Variants in NFIB observed in about 807,000 individuals in gnomAD.
NFIB encodes nuclear factor 1 B-type.
NFIB carries 11 observed loss-of-function variants against 61.5 expected under a neutral mutation model. The observed-to-expected ratio is 0.18, with a 90% CI of 0.11 to 0.30. The LOEUF (loss-of-function observed/expected upper bound fraction) is 0.30, where lower values mean the gene tolerates loss of function less well. Ranked by LOEUF, NFIB falls within the 10% of genes least tolerant of loss-of-function variation. NFIB has a pLI of 1.00. For missense variants in NFIB, 471 were observed against 608.9 expected, an observed-to-expected ratio of 0.77 and a Z score of 2.38; for synonymous variants, 260 against 216.5, an observed-to-expected ratio of 1.20 and a Z score of -1.76.
At chr9:14,296,551 C>T (rs1339642231) in intron 2 of NFIB, among the ~76,000 whole-genome samples, 1 of 152,218 alleles carries the variant, frequency 6.6e-6, no homozygotes, top group Non-Finnish European at 1.5e-5. Context: ...GAGATTGGAG[C>T]TTTCATAAAC....
At chr9:14,199,538 G>A (rs1216081673) in intron 2 of NFIB, among the ~76,000 whole-genome samples, 2 of 152,186 alleles carry the variant, frequency 1.3e-5, no homozygotes, top group Non-Finnish European at 2.9e-5. Flanking sequence ...TGGTAAGGCA[G>A]CATCTTAGAA....
chr9:14,117,185 G>A (rs941225234), intron 8 of NFIB, among the ~76,000 whole-genome samples: 1 of 152,180 alleles, frequency 6.6e-6, no homozygotes, highest in African/African-American at 2.4e-5. Context: ...GGTGGTGCAT[G>A]GAGAGTTACA....
chr9:14,531,298 A>G, the NFIB span, among the ~76,000 whole-genome samples: 7 of 152,244 alleles, frequency 4.6e-5, no homozygotes, highest in East Asian at 1.9e-4. Context: ...GGGGAAAAAC[A>G]GCAACAACAA....
chr9:14,449,232 T>C, the NFIB span, among the ~76,000 whole-genome samples: 4 of 152,174 alleles, frequency 2.6e-5, no homozygotes, highest in African/African-American at 9.7e-5. Context: ...CCAACCAAAG[T>C]CTCATAATTC....
intron 1 of NFIB, among the ~76,000 whole-genome samples, chr9:14,365,694 C>G (rs2061291657): frequency 6.6e-6 from 1 of 152,168 alleles, no homozygotes; most frequent in African/African-American, 2.4e-5. Flanking sequence ...AAGAATTCAT[C>G]CAACAAACAT....
intron 2 of NFIB, among the ~76,000 whole-genome samples, chr9:14,227,296 G>A (rs1400102934): frequency 6.6e-6 from 1 of 152,164 alleles, no homozygotes; most frequent in Non-Finnish European, 1.5e-5. Context: ...GTTTGCTGGT[G>A]AGATCTTATT....
At chr9:14,201,529 C>A (rs1367664569) in intron 2 of NFIB, among the ~76,000 whole-genome samples, 1 of 152,214 alleles carries the variant, frequency 6.6e-6, no homozygotes, top group Non-Finnish European at 1.5e-5. Flanking sequence ...TCGTCTGTTA[C>A]AACCTTCCTG....
intron 2 of NFIB, among the ~76,000 whole-genome samples, chr9:14,283,762 C>T (rs1563974059): frequency 6.6e-6 from 1 of 152,232 alleles, no homozygotes; most frequent in African/African-American, 2.4e-5. Flanking sequence ...AGCTCTGTTG[C>T]TTGTAGCTCA....
chr9:14,114,919 C>T (rs1228326342), intron 9 of NFIB, among the ~76,000 whole-genome samples: 1 of 152,122 alleles, frequency 6.6e-6, no homozygotes, highest in Non-Finnish European at 1.5e-5. Flanking sequence ...AAAATGAGTA[C>T]TTAGTGTTTT....
chr9:14,363,482 T>C (rs1179217402), intron 1 of NFIB, among the ~76,000 whole-genome samples: 1 of 152,180 alleles, frequency 6.6e-6, no homozygotes, highest in Admixed American at 6.5e-5. Context: ...TACAGTAAAG[T>C]TGATGGATTT....
chr9:14,120,796 AC>A lies in NFIB; in HGVS notation c.1061-173del, dbSNP rs2038822201. Among the ~76,000 whole-genome samples, 1 of 152,182 alleles carries A rather than the reference AC, an allele frequency of 6.6e-6. No homozygotes were observed. The highest frequency in any genetic ancestry group is 1.5e-5 in the Non-Finnish European group (1 of 68,032). On this transcript the variant is annotated intron_variant, in intron 7 of 10. Coordinates refer to ENST00000380953, the MANE Select transcript of NFIB (RefSeq NM_001190737.2). This position sits in a 1 kb window ranked among gnomAD's most constrained non-coding sequence, Gnocchi z 4.4. ...TTACTTTTTCATTTTTATTCTCAAC[AC>A]CAGTACGGCTAACTACACAGAGATA...
At chr9:14,273,343 T>A (rs1480406179) in intron 2 of NFIB, among the ~76,000 whole-genome samples, 1 of 152,206 alleles carries the variant, frequency 6.6e-6, no homozygotes, top group Non-Finnish European at 1.5e-5. Context: ...AGTGGAAGAC[T>A]CGGGGCTGTG....
the NFIB span, among the ~76,000 whole-genome samples, chr9:14,444,170 T>C: frequency 6.6e-6 from 1 of 152,242 alleles, no homozygotes; most frequent in South Asian, 2.1e-4. Context: ...ATATCAAATA[T>C]GCTGTTAGGT....
chr9:14,286,031 G>A (rs1001408929), intron 2 of NFIB, among the ~76,000 whole-genome samples: 3 of 152,076 alleles, frequency 2.0e-5, no homozygotes, highest in Non-Finnish European at 4.4e-5. Context: ...AAGTTCCAAC[G>A]CCATGCACAC....
At chr9:14,517,087 G>C in the NFIB span, among the ~76,000 whole-genome samples, 1 of 152,190 alleles carries the variant, frequency 6.6e-6, no homozygotes, top group Non-Finnish European at 1.5e-5. Flanking sequence ...TGTTGTGAAG[G>C]TCCCCTTTTT....
chr9:14,128,585 C>G (rs918562214), intron 6 of NFIB, among the ~76,000 whole-genome samples: 3 of 151,366 alleles, frequency 2.0e-5, no homozygotes, highest in African/African-American at 7.3e-5. Context: ...ATAATCCTAG[C>G]TACTTGGGAG....
At chr9:14,197,876 C>T (rs930946670) in intron 2 of NFIB, among the ~76,000 whole-genome samples, 1 of 152,112 alleles carries the variant, frequency 6.6e-6, no homozygotes, top group South Asian at 2.1e-4. Context: ...CACGGCTAGA[C>T]CATTCTCACC....
At chr9:14,138,137 G>C (rs1222648168) in intron 6 of NFIB, among the ~76,000 whole-genome samples, 2 of 152,072 alleles carry the variant, frequency 1.3e-5, no homozygotes, top group African/African-American at 4.8e-5. Flanking sequence ...AGTTTCTTAA[G>C]CATGATCAGT....
chr9:14,294,840 A>G lies in NFIB; in HGVS notation c.562+12149T>C, dbSNP rs181355660. 5.9e-5 allele frequency among the ~76,000 whole-genome samples: 9 copies of G among 152,264 alleles called. No individual in the cohort carries two copies. The East Asian group carries it at 1.7e-3, about 29-fold the overall frequency. ...TGTGACACGTGATTTAAATTTTCCT[A>G]GTAGGGATTGTGGATATGAGCTAAT... is the stretch of plus-strand genomic sequence containing the variant. On this transcript the variant is annotated intron_variant, in intron 2 of 10. Coordinates refer to ENST00000380953, the MANE Select transcript of NFIB (RefSeq NM_001190737.2).
Sources: gnomAD v4.1 joint callset for allele counts (sites outside exome capture counted in the v4.1 genomes callset) on GRCh38, gnomAD v4.1.1 for gene constraint, Gnocchi (gnomAD v3.1) non-coding constraint, MANE v1.5 for transcripts, NCBI Gene and HGNC (gene_info 2026-07-23, HGNC 2026-07-21) for gene names.